The following ATP8A1 variants were observed in gnomAD, a reference collection of about 807,000 sequenced individuals.
The protein encoded by ATP8A1 is phospholipid-transporting ATPase IA.
In ATP8A1, 90 loss-of-function variants were observed where a neutral mutation model predicts 177.7. The observed-to-expected ratio is 0.51, with a 90% CI of 0.43 to 0.60. The LOEUF is 0.60. Among genes scored for constraint, ATP8A1 ranks in the 20% least tolerant of loss-of-function variants. ATP8A1 has a pLI of 0.00. For missense variants in ATP8A1, 1,072 were observed against 1,392.8 expected (o/e 0.77, Z 3.67); for synonymous variants, 493 against 485.9 (o/e 1.01, Z -0.19).
intron 4 of ATP8A1, among the ~76,000 whole-genome samples, chr4:42,618,496 G>T (rs1993678): frequency 0.23 from 34,398 of 152,132 alleles, 4,359 homozygotes; most frequent in Non-Finnish European, 0.29. Context: ...TAATCTCCAA[G>T]ACCTGGTACT....
At chr4:42,560,816 A>G (rs1730741169) in intron 15 of ATP8A1, among the ~76,000 whole-genome samples, 3 of 152,102 alleles carry the variant, frequency 2.0e-5, no homozygotes, top group African/African-American at 7.2e-5. Flanking sequence ...CACAGATCTA[A>G]ATATTAGATT....
intron 10 of ATP8A1, among the ~76,000 whole-genome samples, chr4:42,580,712 AG>A (rs34983122): frequency 1.3e-5 from 2 of 152,216 alleles, no homozygotes; most frequent in Non-Finnish European, 2.9e-5. Flanking sequence ...CAAGGTACAA[AG>A]GTATTAGCTC....
chr4:42,428,297 C>T (rs562953322), intron 33 of ATP8A1, among the ~76,000 whole-genome samples: 1 of 152,324 alleles, frequency 6.6e-6, no homozygotes, highest in East Asian at 1.9e-4. Flanking sequence ...ACTTGTGGGT[C>T]GCACAGGCAC....
At chr4:42,600,580 T>G in intron 5 of ATP8A1, 62 bp from the exon 6 acceptor site, 2 of 1,484,480 alleles carry the variant, frequency 1.3e-6, no homozygotes, top group East Asian at 2.4e-5. Context: ...CCATTTCTGA[T>G]GAAATAATAA....
intron 14 of ATP8A1, among the ~76,000 whole-genome samples, chr4:42,569,587 C>A (rs988124638): frequency 6.6e-6 from 1 of 152,016 alleles, no homozygotes; most frequent in Admixed American, 6.5e-5. Flanking sequence ...AACAAACATG[C>A]TAATATCTTG....
intron 20 of ATP8A1, among the ~76,000 whole-genome samples, chr4:42,540,831 A>G (rs993549352): frequency 1.3e-5 from 2 of 152,186 alleles, no homozygotes. Context: ...TGGGTTAAAG[A>G]GTACAAACAT....
At chr4:42,601,028 A>ATTTT (rs1389171021) in intron 5 of ATP8A1, among the ~76,000 whole-genome samples, 1 of 78,628 alleles carries the variant, frequency 1.3e-5, no homozygotes, top group African/African-American at 4.1e-5. Flanking sequence ...AACAACCCAA[A>ATTTT]TTTTCTTTTT....
chr4:42,609,357 G>T (rs925018687), intron 5 of ATP8A1, among the ~76,000 whole-genome samples: 1 of 152,158 alleles, frequency 6.6e-6, no homozygotes, highest in Non-Finnish European at 1.5e-5. Context: ...AATATAAGTG[G>T]CACGATGTGA....
In ATP8A1 at chr4:42,420,488, G is replaced by A. The variant is rs567100710; in HGVS notation, c.3305+2319C>T. Among the ~76,000 whole-genome samples, 6 of 152,228 alleles carry A rather than the reference G, an allele frequency of 3.9e-5. No individual in the cohort carries two copies. In the East Asian group the frequency reaches 1.2e-3, roughly 29 times the overall value. On this transcript the variant is annotated intron_variant, in intron 35 of 36. Coordinates refer to ENST00000381668, the MANE Select transcript of ATP8A1 (RefSeq NM_006095.2). ...TGGAATTCACTTCTTTCCTTTTTGG[G>A]CTCTCTGGCTTATTTTATTTAACAG...
At chr4:42,580,116 C>A in intron 10 of ATP8A1, 138 bp from the exon 11 acceptor site, 3 of 613,952 alleles carry the variant, frequency 4.9e-6, no homozygotes, top group African/African-American at 2.0e-5. Flanking sequence ...ATGTGAAACC[C>A]ATGACAAATG....
intron 24 of ATP8A1, among the ~76,000 whole-genome samples, chr4:42,489,561 A>G (rs1247920822): frequency 6.6e-6 from 1 of 152,212 alleles, no homozygotes; most frequent in Non-Finnish European, 1.5e-5. Flanking sequence ...CAAGGTAACA[A>G]CAACAAAAAA....
intron 15 of ATP8A1, among the ~76,000 whole-genome samples, chr4:42,568,024 T>C (rs768723034): frequency 1.3e-5 from 2 of 152,204 alleles, no homozygotes; most frequent in African/African-American, 2.4e-5. Flanking sequence ...TAACTACTTC[T>C]CAAAGGATTA....
intron 10 of ATP8A1, 30 bp from the exon 11 acceptor site, chr4:42,580,008 A>C: frequency 6.5e-7 from 1 of 1,530,714 alleles, no homozygotes; most frequent in South Asian, 1.2e-5. Context: ...GAGTAATAAA[A>C]AATGTACACC....
intron 25 of ATP8A1, among the ~76,000 whole-genome samples, chr4:42,480,563 G>A (rs969937088): frequency 2.0e-5 from 3 of 152,262 alleles, no homozygotes; most frequent in African/African-American, 7.2e-5. Context: ...TGTGCTTTAT[G>A]ACTACTTTTT....
At chr4:42,528,297 T>G (rs1309906148) in intron 20 of ATP8A1, among the ~76,000 whole-genome samples, 2 of 152,142 alleles carry the variant, frequency 1.3e-5, no homozygotes, top group African/African-American at 4.8e-5. Context: ...ATGGAAGCCA[T>G]GAGAGCTGCC....
At chr4:42,641,464 C>T (rs1211429865) in intron 1 of ATP8A1, among the ~76,000 whole-genome samples, 1 of 151,744 alleles carries the variant, frequency 6.6e-6, no homozygotes, top group Non-Finnish European at 1.5e-5. Context: ...AAGTTCCCTT[C>T]CAACTCTAGA....
intron 19 of ATP8A1, among the ~76,000 whole-genome samples, chr4:42,545,818 T>G (rs1469431007): frequency 6.6e-6 from 1 of 151,870 alleles, no homozygotes; most frequent in Non-Finnish European, 1.5e-5. Flanking sequence ...TACTAAAAAT[T>G]CAAAGATTAG....
Position 42,419,583 on chromosome 4 carries a change from G to A in ATP8A1, c.3305+3224C>T, listed in dbSNP as rs920614655. 1.5e-4 allele frequency among the ~76,000 whole-genome samples: 23 copies of A among 152,150 alleles called. 1 individual carries two copies. The highest frequency in any genetic ancestry group is 5.6e-4 in the African/African-American group (23 of 41,422). On this transcript the variant is annotated intron_variant, in intron 35 of 36. Coordinates refer to ENST00000381668, the MANE Select transcript of ATP8A1 (RefSeq NM_006095.2). ...TCTGTAAGAAGGGGCTCCCAAACAG[G>A]GGAACAGCAAATGCAAAGACTGGAA...
At chr4:42,555,473 C>A (rs1035560778) in intron 16 of ATP8A1, among the ~76,000 whole-genome samples, 1 of 151,916 alleles carries the variant, frequency 6.6e-6, no homozygotes, top group African/African-American at 2.4e-5. Context: ...TTAATAACCA[C>A]CATGAATTAA....
Sources: allele counts gnomAD v4.1 joint callset (sites outside exome capture counted in the v4.1 genomes callset), GRCh38; gene constraint gnomAD v4.1.1; transcripts MANE v1.5; gene names NCBI Gene and HGNC (gene_info 2026-07-23, HGNC 2026-07-21).